The following CCSER1 variants were observed in gnomAD, a reference collection of about 807,000 sequenced individuals.
The protein encoded by CCSER1 is serine-rich coiled-coil domain-containing protein 1.
Under a neutral mutation model 82.0 loss-of-function variants are expected in CCSER1, and 41 were observed. The ratio of observed to expected loss-of-function variants is 0.50; its 90% confidence interval spans 0.39 to 0.65. The LOEUF (loss-of-function observed/expected upper bound fraction) is 0.65. CCSER1 is among the 30% of genes least tolerant of loss of function. The pLI is 0.00. For synonymous variants in CCSER1, 414 were observed against 383.9 expected, an observed-to-expected ratio of 1.08 and a Z score of -0.92; for missense variants, 1,119 against 1,064.2, an observed-to-expected ratio of 1.05 and a Z score of -0.72.
intron 4 of CCSER1, among the ~76,000 whole-genome samples, chr4:90,425,603 G>A (rs1757412082): frequency 6.6e-6 from 1 of 152,154 alleles, no homozygotes; most frequent in Non-Finnish European, 1.5e-5. Context: ...CATAACAGCT[G>A]CCAGAGTAAT....
At chr4:90,392,726 A>G (rs770633370) in intron 3 of CCSER1, among the ~76,000 whole-genome samples, 4 of 152,166 alleles carry the variant, frequency 2.6e-5, no homozygotes, top group Non-Finnish European at 4.4e-5. Context: ...ATTTTTGAAA[A>G]TATTCATGAA....
At chr4:90,982,408 A>G (rs1736197792) in intron 9 of CCSER1, among the ~76,000 whole-genome samples, 1 of 151,700 alleles carries the variant, frequency 6.6e-6, no homozygotes, top group South Asian at 2.1e-4. Context: ...ATGAATTTGA[A>G]TGGAGGGAAC....
chr4:91,086,047 G>T, intron 10 of CCSER1, 53 bp downstream of exon 10: 1 of 1,077,058 alleles, frequency 9.3e-7, no homozygotes, highest in Non-Finnish European at 1.4e-6. Flanking sequence ...TGGCTATGGT[G>T]TTGCAGTGAT....
Position 91,008,958 on chromosome 4 carries a change from G to C in CCSER1, c.2173-76992G>C, listed in dbSNP as rs140027826. On this transcript the variant is annotated intron_variant, in intron 9 of 10. Transcript: ENST00000509176. ...AGAGAGCTGGGGAACCCAGTGACTA[G>C]TGTTCAGCTCGATTAGGACGAACCC... Among the ~76,000 whole-genome samples the C allele has an allele frequency of 2.4e-3, 370 of 152,336 alleles. 3 individuals carry two copies. Among genetic ancestry groups the C allele is most frequent in the African/African-American group, 8.7e-3 (360 of 41,584 alleles).
chr4:91,223,653 T>C (rs1001264497), intron 10 of CCSER1, among the ~76,000 whole-genome samples: 1 of 152,020 alleles, frequency 6.6e-6, no homozygotes, highest in South Asian at 2.1e-4. Flanking sequence ...AGAAGGTATA[T>C]AGGTCTATAC....
At chr4:90,743,659 A>C (rs60715519) in intron 7 of CCSER1, among the ~76,000 whole-genome samples, 7,936 of 152,252 alleles carry the variant, frequency 0.052, 477 homozygotes, top group African/African-American at 0.15. Flanking sequence ...TTAAGCCTGA[A>C]GCTTTAAAAA....
intron 3 of CCSER1, among the ~76,000 whole-genome samples, chr4:90,321,165 A>G (rs1737087305): frequency 6.6e-6 from 1 of 152,076 alleles, no homozygotes; most frequent in Non-Finnish European, 1.5e-5. Flanking sequence ...GATCTTATTC[A>G]TTCTACATAA....
rs373995218 is a variant in CCSER1, at chr4:91,111,131, T to C, written c.2217+25137T>C. ...AGTTTCATAATTTTAAAGCTGGTGA[T>C]TCAAGTGAATTTTAAAGCATGTTTA... On this transcript the variant is annotated intron_variant, in intron 10 of 10. Coordinates refer to ENST00000509176, the MANE Select transcript of CCSER1 (RefSeq NM_001145065.2). Among the ~76,000 whole-genome samples the C allele has an allele frequency of 1.5e-4, 23 of 152,118 alleles. No homozygotes were observed. The East Asian group carries it at 3.1e-3, about 20-fold the overall frequency.
intron 9 of CCSER1, among the ~76,000 whole-genome samples, chr4:90,976,499 T>G (rs568793788): frequency 6.6e-6 from 1 of 150,816 alleles, no homozygotes; most frequent in Non-Finnish European, 1.5e-5. Context: ...GAATTAAGAT[T>G]AAAAAAAATA....
intron 1 of CCSER1, among the ~76,000 whole-genome samples, chr4:90,160,718 G>A (rs574329349): frequency 3.3e-5 from 5 of 152,262 alleles, no homozygotes; most frequent in South Asian, 4.1e-4. Context: ...ACTATGCAAT[G>A]AAGCCTGATA....
At chr4:90,556,045 T>C (rs1378356371) in intron 5 of CCSER1, among the ~76,000 whole-genome samples, 1 of 152,082 alleles carries the variant, frequency 6.6e-6, no homozygotes, top group African/African-American at 2.4e-5. Context: ...AACAAAAATC[T>C]CCATCTACTA....
chr4:90,989,371 C>G (rs1454085378), intron 9 of CCSER1, among the ~76,000 whole-genome samples: 4 of 151,688 alleles, frequency 2.6e-5, no homozygotes, highest in Non-Finnish European at 4.4e-5. Context: ...TGCCCTTTAT[C>G]TGAGTTAATG....
chr4:90,643,211 C>T (rs1013087603), intron 6 of CCSER1, among the ~76,000 whole-genome samples: 1 of 151,954 alleles, frequency 6.6e-6, no homozygotes, highest in South Asian at 2.1e-4. Flanking sequence ...GTTTTTCTGA[C>T]TGTATATTTT....
intron 10 of CCSER1, among the ~76,000 whole-genome samples, chr4:91,373,298 C>T (rs1389803058): frequency 1.3e-5 from 2 of 152,088 alleles, no homozygotes; most frequent in Admixed American, 6.6e-5. Flanking sequence ...AGATATTGCA[C>T]GTTTTTACAT....
chr4:90,923,564 C>T (rs1405101706), intron 9 of CCSER1, 117 bp downstream of exon 9: 2 of 669,796 alleles, frequency 3.0e-6, no homozygotes, highest in Non-Finnish European at 5.1e-6. Context: ...TAGCGGTGCA[C>T]CATTCATCTT....
chr4:90,617,622 G>A (rs188911257), intron 5 of CCSER1, among the ~76,000 whole-genome samples: 3 of 152,262 alleles, frequency 2.0e-5, no homozygotes, highest in Non-Finnish European at 2.9e-5. Context: ...AAAACATTTT[G>A]CAGCTTCTAA....
intron 10 of CCSER1, among the ~76,000 whole-genome samples, chr4:91,098,323 C>A (rs898682185): frequency 6.6e-6 from 1 of 152,126 alleles, no homozygotes; most frequent in African/African-American, 2.4e-5. Flanking sequence ...AGAGAAAATT[C>A]TGAGAATCAG....
chr4:91,157,696 TGTAA>T (rs933644092), intron 10 of CCSER1, among the ~76,000 whole-genome samples: 2 of 151,986 alleles, frequency 1.3e-5, no homozygotes, highest in African/African-American at 4.8e-5. Context: ...TTCCAGAATT[TGTAA>T]GTTTTATTGC....
chr4:90,815,092 G>T (rs936142717), intron 7 of CCSER1, among the ~76,000 whole-genome samples: 2 of 152,126 alleles, frequency 1.3e-5, no homozygotes, highest in African/African-American at 4.8e-5. Flanking sequence ...TCTCATGACT[G>T]GGGAAGCCTC....
Sources: allele counts gnomAD v4.1 joint callset (sites outside exome capture counted in the v4.1 genomes callset), GRCh38; gene constraint gnomAD v4.1.1; transcripts MANE v1.5; gene names NCBI Gene and HGNC (gene_info 2026-07-23, HGNC 2026-07-21).